KIFBP: variants seen among roughly 807,000 people sequenced by gnomAD.
KIFBP encodes KIF-binding protein.
KIFBP carries 46 observed loss-of-function variants against 58.9 expected under a neutral mutation model. The ratio of observed to expected loss-of-function variants is 0.78; its 90% confidence interval spans 0.62 to 1.00. KIFBP has a LOEUF of 1.00. KIFBP is among the 50% of genes least tolerant of loss of function. KIFBP has a pLI of 0.00. For missense variants in KIFBP, 651 were observed against 752.9 expected (o/e 0.86, Z 1.58); for synonymous variants, 241 against 283.4 (o/e 0.85, Z 1.50).
intron 4 of KIFBP, among the ~76,000 whole-genome samples, chr10:69,008,391 A>AAAAAAAAAAAATATAT: frequency 2.0e-4 from 14 of 71,588 alleles, no homozygotes; most frequent in Admixed American, 7.2e-4. Flanking sequence ...AAAAAAAAAA[A>AAAAAAAAAAAATATAT]ATATATATAT....
chr10:68,990,803 C>T (rs1268112793), intron 1 of KIFBP, among the ~76,000 whole-genome samples: 6 of 151,852 alleles, frequency 4.0e-5, no homozygotes. Context: ...CAGAGTGAGA[C>T]CCTGTCTCAA....
intron 1 of KIFBP, among the ~76,000 whole-genome samples, chr10:68,998,283 G>A (rs571426548): frequency 8.5e-5 from 13 of 152,102 alleles, no homozygotes; most frequent in African/African-American, 3.1e-4. Context: ...GTGTGATATA[G>A]TAATATATAT....
At chr10:69,006,069 A>G in intron 4 of KIFBP, 154 bp downstream of exon 4, 2 of 675,328 alleles carry the variant, frequency 3.0e-6, no homozygotes, top group African/African-American at 1.8e-5. Context: ...TTGCCCGTGT[A>G]CTAAAATTTT....
chr10:69,004,944 G>A, intron 2 of KIFBP, 102 bp from the exon 3 acceptor site: 1 of 753,174 alleles, frequency 1.3e-6, no homozygotes, highest in East Asian at 2.5e-5. Context: ...AAAATGAAAT[G>A]TATTTGGCTT....
At chr10:68,992,392 G>A (rs1843359530) in intron 1 of KIFBP, among the ~76,000 whole-genome samples, 1 of 152,142 alleles carries the variant, frequency 6.6e-6, no homozygotes, top group African/African-American at 2.4e-5. Context: ...TCAAGGGGAT[G>A]GGGATTTTGG....
intron 6 of KIFBP, among the ~76,000 whole-genome samples, chr10:69,011,746 G>A (rs1843596302): frequency 1.5e-5 from 2 of 133,380 alleles, no homozygotes; most frequent in Admixed American, 8.6e-5. Flanking sequence ...CCGTGCTGGA[G>A]TGCAGTGGTG....
At chr10:68,996,871 A>G (rs1843412883) in intron 1 of KIFBP, among the ~76,000 whole-genome samples, 1 of 151,946 alleles carries the variant, frequency 6.6e-6, no homozygotes, top group South Asian at 2.1e-4. Flanking sequence ...AAATAAAATA[A>G]AAAATATTTT....
Position 68,989,174 on chromosome 10 carries a change from G to T in KIFBP, c.342G>T (p.Gly114=), listed in dbSNP as rs577504870. Residue 114 remains glycine, a synonymous_variant, in exon 1 of 7, where the codon GGG becomes GGT. Transcript: ENST00000361983. ...NHIDTEELSA[G]EEHLVKCLRL... ...TCGACACGGAGGAGCTGTCGGCGGG[G>T]GAGGAGCACCTGGTGAAATGCCTGC... The T allele has an allele frequency of 1.2e-6, 2 of 1,613,750 alleles. No homozygotes were observed. The highest frequency in any genetic ancestry group is 4.5e-5 in the East Asian group (2 of 44,876).
chr10:69,013,627 C>T (rs375361603), intron 6 of KIFBP, among the ~76,000 whole-genome samples: 7 of 152,286 alleles, frequency 4.6e-5, no homozygotes, highest in African/African-American at 4.8e-5. Flanking sequence ...TCAAGCAAAT[C>T]GCACTATGAT....
intron 4 of KIFBP, among the ~76,000 whole-genome samples, chr10:69,008,391 A>AAAAAAAAAAAAAAATATATAT: frequency 4.2e-5 from 3 of 71,590 alleles, no homozygotes; most frequent in African/African-American, 1.6e-4. Context: ...AAAAAAAAAA[A>AAAAAAAAAAAAAAATATATAT]ATATATATAT....
At chr10:68,990,392 C>G (rs2487702) in intron 1 of KIFBP, among the ~76,000 whole-genome samples, 63,121 of 151,600 alleles carry the variant, frequency 0.42, 13,534 homozygotes, top group Non-Finnish European at 0.49. Flanking sequence ...AACAAAAAAC[C>G]CACAAAACTA....
intron 6 of KIFBP, 72 bp downstream of exon 6, chr10:69,011,087 T>C: frequency 1.0e-6 from 1 of 970,876 alleles, no homozygotes; most frequent in Admixed American, 1.7e-5. Flanking sequence ...TAGTGGGGAT[T>C]GTGCTCATTG....
At chr10:68,992,897 G>A (rs1339104231) in intron 1 of KIFBP, among the ~76,000 whole-genome samples, 3 of 152,084 alleles carry the variant, frequency 2.0e-5, no homozygotes, top group Non-Finnish European at 2.9e-5. Context: ...TTGATTCCAA[G>A]GGTCTGGGGT....
At chr10:69,003,980 C>T (rs529466179) in intron 2 of KIFBP, among the ~76,000 whole-genome samples, 214 of 151,892 alleles carry the variant, frequency 1.4e-3, no homozygotes, top group South Asian at 3.7e-3. Context: ...CAGCACTTTG[C>T]GGGGGCCGAG....
rs764872990 is a variant in KIFBP at position 68,989,031 on chromosome 10, C to T, written c.199C>T (p.Pro67Ser). Residue 67 changes from proline to serine, a missense_variant, in exon 1 of 7, where the codon CCG becomes TCG. By Grantham distance (74) the Pro-to-Ser change is moderately conservative. Transcript: ENST00000361983. ...TGAGCGGCCTGAGGCCGAGGACGGC[C>T]CGGGTGCCGGTGACCACGCCCTGGG... is the stretch of plus-strand genomic sequence containing the variant. ...EDERPEAEDG[P>S]GAGDHALGLP... 1 of 1,613,548 alleles carries T rather than the reference C, an allele frequency of 6.2e-7. No individual in the cohort carries two copies. Among genetic ancestry groups the T allele is most frequent in the Non-Finnish European group, 8.5e-7 (1 of 1,179,750 alleles).
rs1371483818 is a variant in KIFBP, at chr10:69,016,056, T to G, written c.1506T>G (p.Ile502Met). 1 of 1,614,094 alleles carries G rather than the reference T, an allele frequency of 6.2e-7. No homozygotes were observed. The highest frequency in any genetic ancestry group is 8.5e-7 in the Non-Finnish European group (1 of 1,180,018). Residue 502 changes from isoleucine to methionine, a missense_variant, in exon 7 of 7, where the codon ATT becomes ATG. Physicochemically the swap from Ile to Met is conservative, Grantham distance 10. Transcript: ENST00000361983. Reference protein sequence around the residue: ...ADRLRDPDSHIVKKINNLNKS... With the variant: ...ADRLRDPDSHMVKKINNLNKS... ...GGCTAAGGGATCCTGATTCACACAT[T>G]GTAAAAAAAATAAATAATCTTAATA...
intron 6 of KIFBP, 87 bp from the exon 7 acceptor site, chr10:69,015,454 T>TA (rs1403211578): frequency 1.5e-6 from 2 of 1,343,890 alleles, no homozygotes; most frequent in East Asian, 2.3e-5. Context: ...ACTTCTCTTC[T>TA]AAAAAACTCT....
At chr10:68,989,404 G>C (rs1843316406) in intron 1 of KIFBP, 146 bp downstream of exon 1, 1 of 901,408 alleles carries the variant, frequency 1.1e-6, no homozygotes, top group Admixed American at 2.4e-5. Context: ...AAGAGCGTCT[G>C]TGGTCTTCAA....
chr10:69,006,707 T>A (rs558917406), intron 4 of KIFBP: 409 of 152,344 alleles, frequency 2.7e-3, no homozygotes, highest in African/African-American at 9.2e-3. Flanking sequence ...ATTTTGGTAG[T>A]TCTCTGCTTA....
Sources: gnomAD v4.1 joint callset for allele counts (sites outside exome capture counted in the v4.1 genomes callset) on GRCh38, gnomAD v4.1.1 for gene constraint, MANE v1.5 for transcripts, NCBI Gene and HGNC (gene_info 2026-07-23, HGNC 2026-07-21) for gene names.